The following SLIT2 variants were observed in gnomAD, a reference collection of about 807,000 sequenced individuals.
SLIT2 encodes slit homolog 2 protein.
A neutral mutation model predicts 185.7 loss-of-function variants in SLIT2; 41 were observed. The ratio of observed to expected loss-of-function variants is 0.22; its 90% confidence interval spans 0.17 to 0.29. The LOEUF (loss-of-function observed/expected upper bound fraction) is 0.29. SLIT2 is among the 10% of genes least tolerant of loss of function. The pLI is 1.00. For synonymous variants in SLIT2, 693 were observed against 680.2 expected (o/e 1.02, Z -0.29); for missense variants, 1,571 against 1,909.0 (o/e 0.82, Z 3.30).
At chr4:20,344,700 T>G (rs1360718901) in intron 4 of SLIT2, among the ~76,000 whole-genome samples, 1 of 152,234 alleles carries the variant, frequency 6.6e-6, no homozygotes, top group African/African-American at 2.4e-5. Flanking sequence ...TGAACTGCTT[T>G]GTGAATGGTC....
chr4:20,274,036 T>C (rs556711617), intron 4 of SLIT2, among the ~76,000 whole-genome samples: 1 of 152,318 alleles, frequency 6.6e-6, no homozygotes, highest in East Asian at 1.9e-4. Flanking sequence ...TGATTTCTGT[T>C]GCTGAGACTG....
intron 4 of SLIT2, among the ~76,000 whole-genome samples, chr4:20,446,018 A>T (rs1381269373): frequency 7.2e-5 from 11 of 152,184 alleles, no homozygotes; most frequent in Non-Finnish European, 1.0e-4. Context: ...TTCATTCTCC[A>T]TCAGAGATAG....
chr4:20,380,176 C>T (rs1245290142), intron 4 of SLIT2, among the ~76,000 whole-genome samples: 1 of 152,110 alleles, frequency 6.6e-6, no homozygotes, highest in African/African-American at 2.4e-5. Context: ...GTAGAGTCCT[C>T]AGAAAAGTAT....
At chr4:20,588,276 A>T (rs1333477563) in intron 29 of SLIT2, among the ~76,000 whole-genome samples, 1 of 152,254 alleles carries the variant, frequency 6.6e-6, no homozygotes, top group Non-Finnish European at 1.5e-5. Flanking sequence ...CACCAGATTG[A>T]TGTAATAACT....
intron 4 of SLIT2, among the ~76,000 whole-genome samples, chr4:20,409,830 G>A (rs1489247559): frequency 1.3e-5 from 2 of 152,000 alleles, no homozygotes; most frequent in Non-Finnish European, 1.5e-5. Context: ...AGTGACGTTG[G>A]ATTTTTTTTC....
intron 4 of SLIT2, among the ~76,000 whole-genome samples, chr4:20,461,648 GAT>G (rs1235291914): frequency 1.3e-5 from 2 of 152,138 alleles, no homozygotes; most frequent in East Asian, 3.9e-4. Context: ...TCAGATTCTG[GAT>G]ATATTTTGAA....
intron 4 of SLIT2, among the ~76,000 whole-genome samples, chr4:20,389,458 A>AC (rs1434646390): frequency 6.6e-6 from 1 of 152,008 alleles, no homozygotes; most frequent in Non-Finnish European, 1.5e-5. Context: ...TCTGGAGTGA[A>AC]CACAACGTGT....
At chr4:20,291,490 ATATTTTTTTTTTTTTTTT>A (rs1221183424) in intron 4 of SLIT2, among the ~76,000 whole-genome samples, 1 of 9,960 alleles carries the variant, frequency 1.0e-4, no homozygotes, top group Non-Finnish European at 1.6e-4. Flanking sequence ...ATATATATAT[ATATTTTTTTTTTTTTTTT>A]TTTTTTTTTT....
intron 4 of SLIT2, among the ~76,000 whole-genome samples, chr4:20,336,833 T>G (rs1186337603): frequency 1.3e-5 from 2 of 152,180 alleles, no homozygotes; most frequent in South Asian, 4.1e-4. Flanking sequence ...TCCCCAGTCA[T>G]TACCATGGTC....
chr4:20,500,238 A>T (rs895454387), intron 9 of SLIT2, among the ~76,000 whole-genome samples: 5 of 152,216 alleles, frequency 3.3e-5, no homozygotes, highest in Non-Finnish European at 2.9e-5. Flanking sequence ...AATATTTTAA[A>T]ACATAAACAT....
chr4:20,617,747 AAAC>A (rs1241230699), intron 36 of SLIT2, 97 bp downstream of exon 36: 1 of 819,068 alleles, frequency 1.2e-6, no homozygotes, highest in Non-Finnish European at 1.9e-6. Context: ...AAAAAAAAAA[AAAC>A]AGGAGCAACA....
chr4:20,257,455 C>G (rs368625634), intron 2 of SLIT2, among the ~76,000 whole-genome samples: 1 of 152,022 alleles, frequency 6.6e-6, no homozygotes, highest in Admixed American at 6.5e-5. Context: ...TTGGTCATTA[C>G]AAATTATTCC....
intron 29 of SLIT2, among the ~76,000 whole-genome samples, chr4:20,582,633 C>T (rs55637405): frequency 0.023 from 3,561 of 152,206 alleles, 141 homozygotes; most frequent in African/African-American, 0.081. Flanking sequence ...ATTTCTTTTT[C>T]CCTTGTTCAC....
intron 4 of SLIT2, among the ~76,000 whole-genome samples, chr4:20,455,456 G>T (rs1016914375): frequency 2.6e-5 from 4 of 152,138 alleles, no homozygotes; most frequent in Admixed American, 2.0e-4. Context: ...CAAAAGAGCT[G>T]CAAAGGAACC....
chr4:20,265,720 G>A (rs500869), intron 3 of SLIT2, among the ~76,000 whole-genome samples: 18,814 of 151,608 alleles, frequency 0.12, 1,238 homozygotes, highest in Middle Eastern at 0.19. Flanking sequence ...TGAGCTGAAC[G>A]TAGAGCTAGC....
chr4:20,381,838 A>G (rs1166325141), intron 4 of SLIT2, among the ~76,000 whole-genome samples: 1 of 152,076 alleles, frequency 6.6e-6, no homozygotes, highest in Non-Finnish European at 1.5e-5. Flanking sequence ...TTATGATACA[A>G]AAATCAGAAA....
At chr4:20,490,686 T>A (rs1717705745) in intron 8 of SLIT2, 5 of 723,504 alleles carry the variant, frequency 6.9e-6, no homozygotes, top group Middle Eastern at 2.6e-4. Flanking sequence ...TTGTATAATA[T>A]CATGGAATGT....
chr4:20,388,036 C>T (rs1387254572), intron 4 of SLIT2, among the ~76,000 whole-genome samples: 1 of 152,124 alleles, frequency 6.6e-6, no homozygotes, highest in East Asian at 1.9e-4. Flanking sequence ...ACACCAAATC[C>T]TTCCTTCATA....
chr4:20,620,451 T>A lies in SLIT2; in HGVS notation c.*1442T>A. ...GTTTCTTCCTGAAAACTTCTTTTTT[T>A]ACAAAGAAAATTAGATGTACATGTA... On this transcript the variant is annotated 3_prime_UTR_variant, in exon 37 of 37. Coordinates refer to ENST00000504154, the MANE Select transcript of SLIT2 (RefSeq NM_004787.4). The A allele has an allele frequency of 2.2e-6, 1 of 453,926 alleles. No homozygotes were observed. The highest frequency in any genetic ancestry group is 4.4e-6 in the Non-Finnish European group (1 of 226,450). The allele number at this position is 453,926 out of a possible 1,614,324, so 28.1% of individuals were successfully genotyped here. A position where few individuals can be genotyped will look rare whatever the true frequency, so the allele number is the denominator to read the frequency against.
Sources: gnomAD v4.1 joint callset for allele counts (sites outside exome capture counted in the v4.1 genomes callset) on GRCh38, gnomAD v4.1.1 for gene constraint, MANE v1.5 for transcripts, NCBI Gene and HGNC (gene_info 2026-07-23, HGNC 2026-07-21) for gene names.